Variants in SMG6 observed in about 807,000 individuals in gnomAD.
SMG6 encodes the protein SMG6 nonsense mediated mRNA decay factor.
Under a neutral mutation model 142.2 loss-of-function variants are expected in SMG6, and 66 were observed. The observed-to-expected ratio is 0.46, with a 90% CI of 0.38 to 0.57. The LOEUF (loss-of-function observed/expected upper bound fraction) is 0.57. SMG6 is among the 20% of genes least tolerant of loss of function. The pLI, the probability that SMG6 is intolerant of heterozygous loss-of-function variation, is 0.00. For synonymous variants in SMG6, 779 were observed against 702.4 expected (o/e 1.11, Z -1.72); for missense variants, 1,793 against 1,832.0 (o/e 0.98, Z 0.39).
At chr17:2,130,491 A>G (rs2070083963) in intron 13 of SMG6, among the ~76,000 whole-genome samples, 1 of 151,920 alleles carries the variant, frequency 6.6e-6, no homozygotes, top group Non-Finnish European at 1.5e-5. Flanking sequence ...CACTGGCTCA[A>G]TGGAACAGAA....
chr17:2,065,058 G>A lies in SMG6; in HGVS notation c.4129+15C>T, dbSNP rs1185408510. On this transcript the variant is annotated intron_variant, in intron 18 of 18. Coordinates refer to ENST00000263073, the MANE Select transcript of SMG6 (RefSeq NM_017575.5). The stretch of plus-strand genomic sequence containing the variant: ...AGTGGGGATGGAAGATCCCAAGGCG[G>A]AGGCAAAGCTGTACCTTTGCTGGCG... The A allele has an allele frequency of 1.2e-6, 2 of 1,607,988 alleles. No individual in the cohort carries two copies. Among genetic ancestry groups the A allele is most frequent in the Admixed American group, 3.3e-5 (2 of 59,898 alleles).
chr17:2,249,025 T>C (rs1421178041), intron 8 of SMG6, among the ~76,000 whole-genome samples: 3 of 151,698 alleles, frequency 2.0e-5, no homozygotes, highest in Admixed American at 2.0e-4. Flanking sequence ...TAGCTGGGAC[T>C]ACAGGCGCCC....
intron 15 of SMG6, among the ~76,000 whole-genome samples, chr17:2,077,552 G>A (rs1222993670): frequency 6.6e-6 from 1 of 152,244 alleles, no homozygotes; most frequent in Non-Finnish European, 1.5e-5. Context: ...GAGTGGAAAG[G>A]AAGGTGGGTG....
At chr17:2,216,667 C>CT (rs1429242959) in intron 10 of SMG6, among the ~76,000 whole-genome samples, 4 of 152,020 alleles carry the variant, frequency 2.6e-5, no homozygotes, top group African/African-American at 9.7e-5. Flanking sequence ...ATTTCTGGCC[C>CT]TTTTTTGTGA....
At chr17:2,142,605 C>T (rs9897793) in intron 13 of SMG6, among the ~76,000 whole-genome samples, 5,411 of 150,902 alleles carry the variant, frequency 0.036, 308 homozygotes, top group African/African-American at 0.12. Context: ...CAAATATGGC[C>T]GGGCACAGTG....
chr17:2,134,075 A>AAAATG (rs2070210718), intron 13 of SMG6, among the ~76,000 whole-genome samples: 5 of 152,144 alleles, frequency 3.3e-5, no homozygotes, highest in Admixed American at 3.3e-4. Flanking sequence ...AATCTAATAC[A>AAAATG]AAATGATAGT....
chr17:2,164,090 A>C (rs2151631647), intron 13 of SMG6, among the ~76,000 whole-genome samples: 1 of 151,472 alleles, frequency 6.6e-6, no homozygotes, highest in South Asian at 2.1e-4. Context: ...TGACAGGGTG[A>C]AACCCTATTG....
chr17:2,254,277 T>A (rs188321002), intron 8 of SMG6, among the ~76,000 whole-genome samples: 270 of 152,338 alleles, frequency 1.8e-3, no homozygotes, highest in African/African-American at 6.2e-3. Flanking sequence ...TCCCACTGCG[T>A]GATCCCATGG....
intron 15 of SMG6, among the ~76,000 whole-genome samples, chr17:2,074,172 G>GCT (rs1394364465): frequency 6.6e-6 from 1 of 151,964 alleles, no homozygotes; most frequent in African/African-American, 2.4e-5. Flanking sequence ...AAACTCCCAG[G>GCT]CTCAAGTGAT....
At chr17:2,079,746 T>C (rs2068360176) in intron 15 of SMG6, among the ~76,000 whole-genome samples, 1 of 152,194 alleles carries the variant, frequency 6.6e-6, no homozygotes, top group Non-Finnish European at 1.5e-5. Context: ...TATTACACAC[T>C]GATTCCAATG....
At chr17:2,106,846 C>CAA (rs1005652493) in intron 13 of SMG6, among the ~76,000 whole-genome samples, 3 of 145,806 alleles carry the variant, frequency 2.1e-5, no homozygotes, top group Non-Finnish European at 4.5e-5. Context: ...TTTTTTGAGA[C>CAA]AGAGTCTCGG....
intron 10 of SMG6, among the ~76,000 whole-genome samples, chr17:2,227,571 C>T (rs956306167): frequency 6.6e-6 from 1 of 152,204 alleles, no homozygotes; most frequent in East Asian, 1.9e-4. Flanking sequence ...TCGCCTAGGG[C>T]AAGGGGTGGG....
intron 1 of SMG6, 44 bp downstream of exon 1, chr17:2,303,589 C>A: frequency 7.3e-7 from 1 of 1,372,778 alleles, no homozygotes; most frequent in South Asian, 1.6e-5. Context: ...GAGAGGGAGG[C>A]GGGGCGGGCA....
chr17:2,093,011 A>G (rs901732113), intron 13 of SMG6, among the ~76,000 whole-genome samples: 2 of 152,152 alleles, frequency 1.3e-5, no homozygotes, highest in African/African-American at 4.8e-5. Context: ...CCCGGCCAAC[A>G]TGGTGAAACC....
intron 4 of SMG6, among the ~76,000 whole-genome samples, chr17:2,295,345 C>G (rs1228000952): frequency 6.6e-6 from 1 of 152,062 alleles, no homozygotes; most frequent in Non-Finnish European, 1.5e-5. Context: ...AGGCGTGGTA[C>G]AGACAAAAAA....
intron 15 of SMG6, among the ~76,000 whole-genome samples, chr17:2,074,733 G>A (rs2068209171): frequency 6.6e-6 from 1 of 152,232 alleles, no homozygotes; most frequent in African/African-American, 2.4e-5. Flanking sequence ...TCGGGGGACA[G>A]TGGGCTCAGT....
chr17:2,065,832 C>T (rs2067927236), intron 16 of SMG6, among the ~76,000 whole-genome samples, 153 bp from the exon 17 acceptor site: 1 of 152,214 alleles, frequency 6.6e-6, no homozygotes, highest in Admixed American at 6.5e-5. Flanking sequence ...CGGAGGGGAG[C>T]TTGTGGGGGC....
At chr17:2,117,942 T>C (rs144179366) in intron 13 of SMG6, among the ~76,000 whole-genome samples, 1 of 152,306 alleles carries the variant, frequency 6.6e-6, no homozygotes, top group African/African-American at 2.4e-5. Flanking sequence ...TATTACACCA[T>C]ATACAAAATT....
chr17:2,216,914 A>T (rs77089488), intron 10 of SMG6, among the ~76,000 whole-genome samples: 1,556 of 152,322 alleles, frequency 0.01, 32 homozygotes, highest in African/African-American at 0.035. Context: ...AATGTCAAAA[A>T]AAAACAAGAC....
Sources: allele counts gnomAD v4.1 joint callset (sites outside exome capture counted in the v4.1 genomes callset), GRCh38; gene constraint gnomAD v4.1.1; transcripts MANE v1.5; gene names NCBI Gene and HGNC (gene_info 2026-07-23, HGNC 2026-07-21).